CHL1: variants seen among roughly 807,000 people sequenced by gnomAD.
The protein encoded by CHL1 is neural cell adhesion molecule L1-like protein.
CHL1 carries 96 observed loss-of-function variants against 141.9 expected under a neutral mutation model. The ratio of observed to expected loss-of-function variants is 0.68; its 90% CI spans 0.57 to 0.80. The LOEUF is 0.80. Ranked by LOEUF, CHL1 falls within the 30% of genes least tolerant of loss-of-function variation. CHL1 has a pLI of 0.00. For synonymous variants in CHL1, 613 were observed against 502.2 expected (o/e 1.22, Z -2.95); for missense variants, 1,820 against 1,457.2 (o/e 1.25, Z -4.05).
chr3:408,292 T>C lies in CHL1; in HGVS notation c.*2581T>C, dbSNP rs1559373072. ...TTTCTCTAGTCTACTGTCAATATCA[T>C]TTTAATGTAATTGATTGTATATAGT... On this transcript the variant is annotated 3_prime_UTR_variant, in exon 28 of 28. Coordinates refer to ENST00000256509, the MANE Select transcript of CHL1 (RefSeq NM_006614.4). 1 of 152,114 alleles carries C rather than the reference T, an allele frequency of 6.6e-6. No individual in the cohort carries two copies. The highest frequency in any genetic ancestry group is 1.5e-5 in the Non-Finnish European group (1 of 67,998). 9.4% of individuals were successfully genotyped at this position (152,114 alleles called of 1,614,324 possible). A position where few individuals can be genotyped will look rare whatever the true frequency, so the allele number is the denominator to read the frequency against.
At chr3:197,617 C>G in intron 1 of CHL1, 2 of 356,756 alleles carry the variant, frequency 5.6e-6, no homozygotes, top group South Asian at 4.1e-5. Flanking sequence ...GGAGAGGATT[C>G]TAGATCCCAG....
In CHL1 at chr3:360,356, C is replaced by T; in HGVS notation, c.1238C>T (p.Ala413Val). ...ACCAACCTTCAACCAAATCATACTGCTGTGTACCAGTGTGAAGCCTCAAAT... is the reference window on the plus strand; with the variant it reads ...ACCAACCTTCAACCAAATCATACTGTTGTGTACCAGTGTGAAGCCTCAAAT... ...SFTNLQPNHTAVYQCEASNVH... is the reference protein window; with the variant it reads ...SFTNLQPNHTVVYQCEASNVH... The change falls in exon 12 of 28, where the codon GCT becomes GTT. Residue 413 changes from alanine (A) to valine (V), a missense_variant. Transcript: ENST00000256509. The T allele has an allele frequency of 1.9e-6, 3 of 1,613,356 alleles. No homozygotes were observed. In the South Asian group the frequency reaches 3.3e-5, roughly 18 times the overall value.
chr3:384,824 G>A (rs1054648725), intron 19 of CHL1, among the ~76,000 whole-genome samples: 2 of 152,096 alleles, frequency 1.3e-5, no homozygotes, highest in African/African-American at 4.8e-5. Flanking sequence ...ATTTTTGGGA[G>A]AATTTTAGAA....
intron 11 of CHL1, among the ~76,000 whole-genome samples, chr3:359,678 C>T (rs1704033892): frequency 6.6e-6 from 1 of 152,098 alleles, no homozygotes; most frequent in Non-Finnish European, 1.5e-5. Flanking sequence ...GGTTTTATTG[C>T]CCCAAAGTAG....
intron 1 of CHL1, among the ~76,000 whole-genome samples, chr3:204,746 A>T (rs954253418): frequency 5.9e-5 from 9 of 152,184 alleles, no homozygotes; most frequent in African/African-American, 2.2e-4. Context: ...TCCAAGACTG[A>T]TACTGGATGC....
chr3:275,346 A>G (rs141267387), intron 2 of CHL1, among the ~76,000 whole-genome samples: 53 of 152,348 alleles, frequency 3.5e-4, no homozygotes, highest in African/African-American at 1.2e-3. Context: ...GAGAAAAGAA[A>G]CCACTCATTT....
chr3:211,482 T>C (rs1343521024), intron 1 of CHL1, among the ~76,000 whole-genome samples: 1 of 152,164 alleles, frequency 6.6e-6, no homozygotes, highest in Non-Finnish European at 1.5e-5. Flanking sequence ...CCATGTCTGG[T>C]GTGGGTTCAA....
rs189953706 is a variant in CHL1, at chr3:225,915, A to G, written c.-174-18698A>G. ...TCCCAGCTACTCGGGGGGCTGAGGC[A>G]GGAGAATCACTTGAACCTGGGAGGC... On this transcript the variant is annotated intron_variant, in intron 1 of 27. Coordinates refer to ENST00000256509, the MANE Select transcript of CHL1 (RefSeq NM_006614.4). Among the ~76,000 whole-genome samples, 512 of 150,974 alleles carry G rather than the reference A, an allele frequency of 3.4e-3. 1 individual carries two copies. Among genetic ancestry groups the G allele is most frequent in the Non-Finnish European group, 6.2e-3 (420 of 67,772 alleles).
In CHL1 at chr3:375,184, A is replaced by G. The variant is rs577611655; in HGVS notation, c.1752-2634A>G. Among the ~76,000 whole-genome samples, 7 of 152,322 alleles carry G rather than the reference A, an allele frequency of 4.6e-5. No individual in the cohort carries two copies. The South Asian group carries it at 1.2e-3, about 27-fold the overall frequency. The stretch of plus-strand genomic sequence containing the variant: ...CCATAGACCATACAGGCTATAGACC[A>G]TACACTATGGTTATGAAAAATGAAA... On this transcript the variant is annotated intron_variant, in intron 15 of 27. Coordinates refer to ENST00000256509, the MANE Select transcript of CHL1 (RefSeq NM_006614.4).
intron 5 of CHL1, among the ~76,000 whole-genome samples, chr3:334,015 G>A (rs1701668254): frequency 1.3e-5 from 2 of 152,000 alleles, no homozygotes; most frequent in South Asian, 4.1e-4. Flanking sequence ...AGAGTGCAGT[G>A]GTACAAACAT....
intron 2 of CHL1, among the ~76,000 whole-genome samples, chr3:255,821 G>T (rs1263571530): frequency 6.6e-6 from 1 of 152,162 alleles, no homozygotes; most frequent in Non-Finnish European, 1.5e-5. Context: ...AGTGGATGGA[G>T]CCCAGGTAGC....
At position 405,826 on chromosome 3, in the gene CHL1, A is replaced by T. The variant is rs1365798718; in HGVS notation, c.*115A>T. The T allele has an allele frequency of 1.4e-6, 1 of 700,460 alleles. No individual in the cohort carries two copies. Among genetic ancestry groups the T allele is most frequent in the East Asian group, 2.7e-5 (1 of 37,148 alleles). 43.4% of individuals were successfully genotyped at this position (700,460 alleles called of 1,614,324 possible). On this transcript the variant is annotated 3_prime_UTR_variant, in exon 28 of 28. Coordinates refer to ENST00000256509, the MANE Select transcript of CHL1 (RefSeq NM_006614.4). ...AACATGCTGGCCGAAGATTTCATCC[A>T]GAAGTCAACATCCTGCAATTATGTT...
chr3:366,244 G>C (rs1704861723), intron 15 of CHL1, 129 bp downstream of exon 15: 1 of 805,638 alleles, frequency 1.2e-6, no homozygotes, highest in South Asian at 1.7e-5. Context: ...ACCGAGGCGA[G>C]TGGATCACTT....
intron 5 of CHL1, among the ~76,000 whole-genome samples, chr3:340,470 T>A (rs200249564): frequency 6.6e-6 from 1 of 152,168 alleles, no homozygotes; most frequent in East Asian, 1.9e-4. Context: ...CTATCAAAGC[T>A]AAAGCAAGAA....
chr3:364,387 T>C (rs1704605751), intron 14 of CHL1, among the ~76,000 whole-genome samples: 1 of 152,182 alleles, frequency 6.6e-6, no homozygotes, highest in South Asian at 2.1e-4. Flanking sequence ...ATGGTGATGA[T>C]TGTTTTTATA....
Position 344,493 on chromosome 3 carries a change from G to C in CHL1, c.728-96G>C, listed in dbSNP as rs374729894. The C allele has an allele frequency of 3.0e-5, 21 of 708,130 alleles. No individual in the cohort carries two copies. The East Asian group carries it at 4.8e-4, about 16-fold the overall frequency. 43.9% of individuals were successfully genotyped at this position (708,130 alleles called of 1,614,324 possible). On this transcript the variant is annotated intron_variant, in intron 8 of 27. Coordinates refer to ENST00000256509, the MANE Select transcript of CHL1 (RefSeq NM_006614.4). ...CACACACACACACACACACACACTC[G>C]TGTGTCGGATTTTTTGTTTTAAGAA...
At chr3:227,274 A>T (rs924013056) in intron 1 of CHL1, among the ~76,000 whole-genome samples, 1 of 152,348 alleles carries the variant, frequency 6.6e-6, no homozygotes, top group Admixed American at 6.5e-5. Flanking sequence ...AAACACAAGG[A>T]ACAAAAAATG....
At chr3:254,261 G>A (rs963477327) in intron 2 of CHL1, among the ~76,000 whole-genome samples, 1 of 152,094 alleles carries the variant, frequency 6.6e-6, no homozygotes, top group Non-Finnish European at 1.5e-5. Context: ...TCCTGCTTCC[G>A]AACACCCCTT....
chr3:299,833 G>A (rs1698559683), intron 2 of CHL1, among the ~76,000 whole-genome samples: 1 of 151,980 alleles, frequency 6.6e-6, no homozygotes, highest in South Asian at 2.1e-4. Flanking sequence ...AACACCCACA[G>A]GAAAAAATAA....
Sources: allele counts gnomAD v4.1 joint callset (sites outside exome capture counted in the v4.1 genomes callset), GRCh38; gene constraint gnomAD v4.1.1; transcripts MANE v1.5; gene names NCBI Gene and HGNC (gene_info 2026-07-23, HGNC 2026-07-21).